The following PLXDC2 variants were observed in gnomAD, a reference collection of about 807,000 sequenced individuals.
The protein encoded by PLXDC2 is plexin domain-containing protein 2.
Under a neutral mutation model 68.9 loss-of-function variants are expected in PLXDC2, and 40 were observed. The ratio of observed to expected loss-of-function variants is 0.58; its 90% CI spans 0.45 to 0.76. PLXDC2 has a LOEUF of 0.76. Among genes scored for constraint, PLXDC2 ranks in the 30% least tolerant of loss-of-function variants. The probability of loss-of-function intolerance (pLI) is 0.00; values close to 1 mark genes in which losing one functional copy is unlikely to be tolerated. For missense variants in PLXDC2, 644 were observed against 661.9 expected (o/e 0.97, Z 0.30); for synonymous variants, 243 against 234.2 (o/e 1.04, Z -0.34).
intron 1 of PLXDC2, among the ~76,000 whole-genome samples, chr10:19,870,721 C>A (rs1473796314): frequency 3.3e-5 from 5 of 152,128 alleles, no homozygotes; most frequent in Non-Finnish European, 7.4e-5. Flanking sequence ...CCAGCACACC[C>A]AGCCTACTAC....
At chr10:19,883,001 G>A (rs983615742) in intron 1 of PLXDC2, among the ~76,000 whole-genome samples, 1 of 146,806 alleles carries the variant, frequency 6.8e-6, no homozygotes, top group Non-Finnish European at 1.5e-5. Flanking sequence ...TTGTCGCCCA[G>A]GCTGGAGTGC....
intron 1 of PLXDC2, among the ~76,000 whole-genome samples, chr10:19,972,948 A>T (rs1834378672): frequency 6.6e-6 from 1 of 152,104 alleles, no homozygotes; most frequent in Non-Finnish European, 1.5e-5. Flanking sequence ...CTAAAATTGT[A>T]TGTTAACTTG....
At chr10:20,262,783 A>T (rs907956847) in intron 13 of PLXDC2, among the ~76,000 whole-genome samples, 1 of 152,256 alleles carries the variant, frequency 6.6e-6, no homozygotes, top group Non-Finnish European at 1.5e-5. Flanking sequence ...GGCCCCAAGC[A>T]TACCACAGCA....
At chr10:20,094,050 G>A (rs1472994759) in intron 4 of PLXDC2, among the ~76,000 whole-genome samples, 1 of 152,160 alleles carries the variant, frequency 6.6e-6, no homozygotes, top group Non-Finnish European at 1.5e-5. Context: ...ATTGGAAACA[G>A]TACAAATGGC....
chr10:19,971,549 G>A (rs938118404), intron 1 of PLXDC2, among the ~76,000 whole-genome samples: 2 of 152,136 alleles, frequency 1.3e-5, no homozygotes, highest in Non-Finnish European at 2.9e-5. Flanking sequence ...GATAGGGGCC[G>A]GATGTAAAGG....
intron 4 of PLXDC2, among the ~76,000 whole-genome samples, chr10:20,073,434 T>TTTGTAGG (rs1372223563): frequency 1.3e-5 from 2 of 152,230 alleles, no homozygotes; most frequent in Non-Finnish European, 2.9e-5. Flanking sequence ...ACAGCCCCTC[T>TTTGTAGG]TTGTATGTTG....
chr10:20,102,501 C>G (rs1589630204), intron 4 of PLXDC2, among the ~76,000 whole-genome samples: 2 of 152,136 alleles, frequency 1.3e-5, no homozygotes, highest in Admixed American at 6.5e-5. Context: ...ATATGTCTGT[C>G]CTATTCCATC....
intron 3 of PLXDC2, among the ~76,000 whole-genome samples, chr10:20,052,488 T>C (rs1430341932): frequency 6.6e-6 from 1 of 151,950 alleles, no homozygotes; most frequent in Non-Finnish European, 1.5e-5. Flanking sequence ...ACACACATAC[T>C]TCATATTACT....
At chr10:20,125,290 G>A (rs1247707487) in intron 4 of PLXDC2, among the ~76,000 whole-genome samples, 5 of 152,130 alleles carry the variant, frequency 3.3e-5, no homozygotes, top group Non-Finnish European at 5.9e-5. Flanking sequence ...CGCCATATCC[G>A]AAAAGTGAAA....
intron 1 of PLXDC2, among the ~76,000 whole-genome samples, chr10:19,895,908 A>T (rs1838049144): frequency 6.6e-6 from 1 of 152,144 alleles, no homozygotes; most frequent in Non-Finnish European, 1.5e-5. Flanking sequence ...TGACAGAGCA[A>T]GACTCTGTCT....
At chr10:20,126,905 A>G (rs1328681679) in intron 4 of PLXDC2, among the ~76,000 whole-genome samples, 1 of 147,996 alleles carries the variant, frequency 6.8e-6, no homozygotes, top group Non-Finnish European at 1.5e-5. Flanking sequence ...ATATATGTAT[A>G]TATGTATATA....
chr10:20,035,297 A>C (rs555080764), intron 2 of PLXDC2, among the ~76,000 whole-genome samples: 157 of 152,328 alleles, frequency 1.0e-3, no homozygotes, highest in African/African-American at 3.6e-3. Context: ...TGGGAGGCTA[A>C]GATTTTAAAG....
chr10:20,002,045 C>T (rs1834951046), intron 2 of PLXDC2, 59 bp downstream of exon 2: 2 of 1,507,428 alleles, frequency 1.3e-6, no homozygotes, highest in South Asian at 2.4e-5. Flanking sequence ...TGTAGGTGCC[C>T]AACTTTTATA....
chr10:19,985,598 G>A (rs1233213209), intron 1 of PLXDC2, among the ~76,000 whole-genome samples: 3 of 152,086 alleles, frequency 2.0e-5, no homozygotes, highest in African/African-American at 7.2e-5. Flanking sequence ...TTTCTTCTCT[G>A]AGTCCACTCT....
chr10:20,087,272 C>G (rs1480873240), intron 4 of PLXDC2, among the ~76,000 whole-genome samples: 1 of 152,164 alleles, frequency 6.6e-6, no homozygotes, highest in Non-Finnish European at 1.5e-5. Flanking sequence ...CCTCCATACT[C>G]TGGCTTGCAG....
chr10:19,958,248 T>C (rs997038609), intron 1 of PLXDC2, among the ~76,000 whole-genome samples: 9 of 152,116 alleles, frequency 5.9e-5, no homozygotes, highest in African/African-American at 1.9e-4. Context: ...GTACCTGTTA[T>C]ACAGTATACT....
At chr10:20,048,009 T>C (rs80094679) in intron 3 of PLXDC2, among the ~76,000 whole-genome samples, 1 of 152,118 alleles carries the variant, frequency 6.6e-6, no homozygotes, top group African/African-American at 2.4e-5. Flanking sequence ...ACAGTGGTGA[T>C]AGTGTCATTG....
At chr10:20,082,961 A>G (rs1187417500) in intron 4 of PLXDC2, among the ~76,000 whole-genome samples, 1 of 152,126 alleles carries the variant, frequency 6.6e-6, no homozygotes, top group Non-Finnish European at 1.5e-5. Flanking sequence ...GTATGTATGT[A>G]TGTATGTATG....
chr10:20,134,126 A>T (rs1833903408), intron 4 of PLXDC2, among the ~76,000 whole-genome samples: 1 of 151,892 alleles, frequency 6.6e-6, no homozygotes, highest in Non-Finnish European at 1.5e-5. Flanking sequence ...TCCTGATATC[A>T]GTTAGTTTTG....
Sources: allele counts gnomAD v4.1 joint callset (sites outside exome capture counted in the v4.1 genomes callset), GRCh38; gene constraint gnomAD v4.1.1; transcripts MANE v1.5; gene names NCBI Gene and HGNC (gene_info 2026-07-23, HGNC 2026-07-21).